The following IMMP2L variants were observed in gnomAD, a reference collection of about 807,000 sequenced individuals.
IMMP2L encodes the protein inner mitochondrial membrane peptidase subunit 2, also known as mitochondrial inner membrane protease subunit 2.
IMMP2L carries 18 observed loss-of-function variants against 19.3 expected under a neutral mutation model. The ratio of observed to expected loss-of-function variants is 0.93; its 90% CI spans 0.64 to 1.38. The LOEUF (loss-of-function observed/expected upper bound fraction) is 1.38. IMMP2L is among the 40% of genes most tolerant of loss of function. IMMP2L has a pLI of 0.00. For missense variants in IMMP2L, 233 were observed against 218.2 expected (o/e 1.07, Z -0.43); for synonymous variants, 76 against 73.0 (o/e 1.04, Z -0.21).
At chr7:111,469,759 A>C (rs1203288286) in intron 3 of IMMP2L, among the ~76,000 whole-genome samples, 1 of 152,142 alleles carries the variant, frequency 6.6e-6, no homozygotes, top group African/African-American at 2.4e-5. Flanking sequence ...CAGACCTAAA[A>C]CCATAAAAAC....
chr7:111,170,854 C>A (rs1369140322), intron 3 of IMMP2L, among the ~76,000 whole-genome samples: 2 of 148,650 alleles, frequency 1.3e-5, no homozygotes, highest in African/African-American at 4.9e-5. Context: ...ATTACCCCAA[C>A]AGTGAACAAC....
intron 3 of IMMP2L, among the ~76,000 whole-genome samples, chr7:110,990,829 C>A (rs1468541012): frequency 6.6e-6 from 1 of 152,036 alleles, no homozygotes; most frequent in African/African-American, 2.4e-5. Context: ...AAAGTTAGAC[C>A]CATTAGACCT....
intron 5 of IMMP2L, among the ~76,000 whole-genome samples, chr7:110,875,052 A>G (rs568648269): frequency 6.6e-6 from 1 of 152,212 alleles, no homozygotes; most frequent in Non-Finnish European, 1.5e-5. Context: ...ACCTGGTAAT[A>G]CTGTTACAAT....
At chr7:110,949,199 A>G (rs1260034540) in intron 4 of IMMP2L, among the ~76,000 whole-genome samples, 1 of 152,140 alleles carries the variant, frequency 6.6e-6, no homozygotes, top group Non-Finnish European at 1.5e-5. Context: ...CCTCTCATAT[A>G]TCTGTACATC....
intron 3 of IMMP2L, among the ~76,000 whole-genome samples, chr7:111,243,295 T>C (rs1165469969): frequency 1.3e-5 from 2 of 152,044 alleles, no homozygotes; most frequent in African/African-American, 4.8e-5. Flanking sequence ...ATTCTCTATC[T>C]AAAACTCTTG....
chr7:111,282,696 A>T (rs1167598868), intron 3 of IMMP2L, among the ~76,000 whole-genome samples: 1 of 151,910 alleles, frequency 6.6e-6, no homozygotes. Flanking sequence ...CAATCCTCCC[A>T]CCTCAACCTC....
chr7:111,353,646 T>C (rs907080077), intron 3 of IMMP2L, among the ~76,000 whole-genome samples: 7 of 152,084 alleles, frequency 4.6e-5, no homozygotes, highest in Admixed American at 3.9e-4. Context: ...TGAAAAAACA[T>C]TGTAATGGCA....
intron 3 of IMMP2L, among the ~76,000 whole-genome samples, chr7:111,339,665 A>T (rs1826816151): frequency 6.6e-6 from 1 of 152,010 alleles, no homozygotes; most frequent in Non-Finnish European, 1.5e-5. Flanking sequence ...TATTCAGTAC[A>T]ATTGAACATG....
In IMMP2L at chr7:110,924,491, C is replaced by T. The variant is rs1055712529; in HGVS notation, c.306-37796G>A. ...TGCTGCAGGTACCAGGTTTATCCTA[C>T]GTTTCTCTCACTATGGGGAACTGGG... On this transcript the variant is annotated intron_variant, in intron 4 of 5. Transcript: ENST00000405709. This position sits in a 1 kb window ranked among gnomAD's most constrained non-coding sequence, Gnocchi z 4.2. Among the ~76,000 whole-genome samples the T allele has an allele frequency of 2.0e-5, 3 of 152,082 alleles. No individual in the cohort carries two copies. Among genetic ancestry groups the T allele is most frequent in the Non-Finnish European group, 4.4e-5 (3 of 68,016 alleles).
chr7:111,194,244 G>T (rs1363054350), intron 3 of IMMP2L, among the ~76,000 whole-genome samples: 1 of 152,126 alleles, frequency 6.6e-6, no homozygotes, highest in Non-Finnish European at 1.5e-5. Flanking sequence ...CTTGTCTATT[G>T]TGACTTTTCA....
At chr7:110,743,534 C>G (rs2130879351) in intron 5 of IMMP2L, among the ~76,000 whole-genome samples, 1 of 152,214 alleles carries the variant, frequency 6.6e-6, no homozygotes, top group African/African-American at 2.4e-5. Flanking sequence ...TCTGTAGTTC[C>G]CAGCGAGATC....
At chr7:110,819,561 C>T (rs995491683) in intron 5 of IMMP2L, among the ~76,000 whole-genome samples, 6 of 152,034 alleles carry the variant, frequency 3.9e-5, no homozygotes, top group Non-Finnish European at 5.9e-5. Context: ...CCATCACTAT[C>T]ACAAAGTTCC....
chr7:111,088,459 A>T (rs1796542436), intron 3 of IMMP2L, among the ~76,000 whole-genome samples: 1 of 152,108 alleles, frequency 6.6e-6, no homozygotes, highest in South Asian at 2.1e-4. Flanking sequence ...TTAAAAAAAA[A>T]TGAAGGGAGA....
At chr7:110,819,228 C>T (rs59342752) in intron 5 of IMMP2L, among the ~76,000 whole-genome samples, 13,287 of 151,878 alleles carry the variant, frequency 0.087, 881 homozygotes, top group African/African-American at 0.19. Context: ...TGGAACCTTG[C>T]TGGAAGTCAT....
chr7:111,326,884 T>C (rs1825372264), intron 3 of IMMP2L, among the ~76,000 whole-genome samples: 2 of 151,956 alleles, frequency 1.3e-5, no homozygotes, highest in African/African-American at 2.4e-5. Context: ...ATAACTGAAA[T>C]CAGGATCTCA....
chr7:111,341,818 T>C (rs543939699), intron 3 of IMMP2L, among the ~76,000 whole-genome samples: 5 of 152,278 alleles, frequency 3.3e-5, no homozygotes, highest in Admixed American at 2.6e-4. Context: ...GTTTAGGTCA[T>C]GCAGGCTCCA....
intron 4 of IMMP2L, among the ~76,000 whole-genome samples, chr7:110,911,377 C>A (rs1813041263): frequency 6.6e-6 from 1 of 152,062 alleles, no homozygotes; most frequent in Admixed American, 6.6e-5. Context: ...CCTTTCCCTC[C>A]AAGGGTTTCT....
intron 3 of IMMP2L, among the ~76,000 whole-genome samples, chr7:110,989,317 C>T (rs1446967638): frequency 6.6e-6 from 1 of 151,756 alleles, no homozygotes; most frequent in Non-Finnish European, 1.5e-5. Flanking sequence ...TGGGAGGATC[C>T]CTTAAGCCCA....
rs919175217 is a variant in IMMP2L, at chr7:111,488,713, C to T, written c.136-1372G>A. Among the ~76,000 whole-genome samples the T allele has an allele frequency of 2.0e-5, 3 of 151,998 alleles. No homozygotes were observed. The East Asian group carries it at 5.8e-4, about 29-fold the overall frequency. On this transcript the variant is annotated intron_variant, in intron 2 of 5. Coordinates refer to ENST00000405709, the MANE Select transcript of IMMP2L (RefSeq NM_032549.4). Reference sequence around the variant, plus strand: ...GAGTTTATTTTCCTCTGGGTAGATACCTAGTATTGCTAGGGACTGCTGGAT... The same window carrying T: ...GAGTTTATTTTCCTCTGGGTAGATATCTAGTATTGCTAGGGACTGCTGGAT...
Sources: gnomAD v4.1 joint callset for allele counts (sites outside exome capture counted in the v4.1 genomes callset) on GRCh38, gnomAD v4.1.1 for gene constraint, Gnocchi (gnomAD v3.1) non-coding constraint, MANE v1.5 for transcripts, NCBI Gene and HGNC (gene_info 2026-07-23, HGNC 2026-07-21) for gene names.